SYNE1: variants seen among roughly 807,000 people sequenced by gnomAD.
The protein encoded by SYNE1 is spectrin repeat containing nuclear envelope protein 1, also known as nesprin-1.
A neutral mutation model predicts 1,111.0 loss-of-function variants in SYNE1; 616 were observed. The ratio of observed to expected loss-of-function variants is 0.55; its 90% CI spans 0.52 to 0.59. The LOEUF is 0.59. Among genes scored for constraint, SYNE1 ranks in the 20% least tolerant of loss-of-function variants. The pLI is 0.00. For synonymous variants in SYNE1, 3,855 were observed against 3,825.8 expected (o/e 1.01, Z -0.28); for missense variants, 10,006 against 10,417.0 (o/e 0.96, Z 1.72).
intron 36 of SYNE1, among the ~76,000 whole-genome samples, chr6:152,429,533 C>T (rs1026498272): frequency 6.6e-6 from 1 of 152,172 alleles, no homozygotes; most frequent in Non-Finnish European, 1.5e-5. Flanking sequence ...TTCGTGCACA[C>T]ATGAACATGC....
intron 14 of SYNE1, among the ~76,000 whole-genome samples, chr6:152,478,934 C>T (rs764267829): frequency 7.9e-5 from 12 of 152,112 alleles, no homozygotes; most frequent in Non-Finnish European, 1.6e-4. Context: ...ACGGACAAGG[C>T]AAGCGAGGAT....
intron 11 of SYNE1, among the ~76,000 whole-genome samples, chr6:152,489,395 C>T (rs73631828): frequency 0.031 from 4,734 of 150,658 alleles, 262 homozygotes; most frequent in African/African-American, 0.11. Flanking sequence ...TTTATGGAGG[C>T]AGGCTAAACT....
intron 40 of SYNE1, 76 bp downstream of exon 40, chr6:152,419,493 T>C: frequency 1.4e-6 from 2 of 1,408,282 alleles, no homozygotes; most frequent in Non-Finnish European, 1.9e-6. Context: ...TTTAAAATGT[T>C]GCATCTCTTT....
At chr6:152,586,673 C>G (rs1371770419) in intron 3 of SYNE1, among the ~76,000 whole-genome samples, 1 of 149,026 alleles carries the variant, frequency 6.7e-6, no homozygotes, top group Non-Finnish European at 1.5e-5. Context: ...CACACACACA[C>G]ACACACACAC....
intron 84 of SYNE1, among the ~76,000 whole-genome samples, chr6:152,320,858 A>C (rs1253450500): frequency 6.6e-6 from 1 of 152,128 alleles, no homozygotes; most frequent in Non-Finnish European, 1.5e-5. Flanking sequence ...CTTTCCTCCA[A>C]CATCTTCACC....
intron 3 of SYNE1, among the ~76,000 whole-genome samples, chr6:152,542,055 T>C (rs1322877418): frequency 6.6e-6 from 1 of 152,138 alleles, no homozygotes; most frequent in Admixed American, 6.5e-5. Context: ...GTATCAGCTG[T>C]TCACAAACTA....
intron 113 of SYNE1, among the ~76,000 whole-genome samples, chr6:152,231,777 C>CGTGT (rs1554248849): frequency 8.8e-6 from 1 of 113,712 alleles, no homozygotes; most frequent in Admixed American, 9.9e-5. Context: ...CACAGATATA[C>CGTGT]GTGTGTATGT....
intron 89 of SYNE1, 42 bp downstream of exon 89, chr6:152,310,354 A>T (rs1396989078): frequency 6.2e-7 from 1 of 1,612,900 alleles, no homozygotes; most frequent in African/African-American, 1.3e-5. Context: ...TTTTAAAAAT[A>T]TAGGTCCCTG....
intron 38 of SYNE1, 129 bp downstream of exon 38, chr6:152,427,564 T>C (rs572430258): frequency 2.6e-6 from 3 of 1,149,484 alleles, no homozygotes; most frequent in African/African-American, 3.1e-5. Flanking sequence ...TGATGTCAAA[T>C]GATGCTTCAG....
At chr6:152,465,953 G>C in intron 17 of SYNE1, 29 bp downstream of exon 17, 1 of 1,505,612 alleles carries the variant, frequency 6.6e-7, no homozygotes, top group Non-Finnish European at 9.2e-7. Context: ...TGCAGTCTAC[G>C]TTGCAACAAA....
At chr6:152,501,727 T>A (rs866861592) in intron 10 of SYNE1, among the ~76,000 whole-genome samples, 67 of 146,792 alleles carry the variant, frequency 4.6e-4, no homozygotes, top group African/African-American at 1.6e-3. Context: ...AGAGCAAGAC[T>A]CCATCTCACA....
chr6:152,421,675 AT>A (rs1563899502), intron 39 of SYNE1, among the ~76,000 whole-genome samples: 3 of 76,094 alleles, frequency 3.9e-5, no homozygotes, highest in Non-Finnish European at 5.0e-5. Flanking sequence ...TCCTTATTTT[AT>A]TTATTTATTT....
rs2096754189 is a variant in SYNE1, at chr6:152,352,284, C to T, written c.11323G>A (p.Val3775Ile). The change falls in exon 70 of 146, where the codon GTT (valine) becomes ATT (isoleucine). Residue 3775 changes from valine (V) to isoleucine (I), a missense_variant. Transcript: ENST00000367255. ...KSAREKGERA[V>I]KYLEEGEAER... ...GCCTCGCCTTCCTCCAAGTATTTAACAGCCCTCTCTCCTTTCTCCCGGGCT... is the reference window on the plus strand; with the variant it reads ...GCCTCGCCTTCCTCCAAGTATTTAATAGCCCTCTCTCCTTTCTCCCGGGCT... 6.2e-7 allele frequency: 1 copy of T among 1,614,082 alleles called. No homozygotes were observed. Among genetic ancestry groups the T allele is most frequent in the African/African-American group, 1.3e-5 (1 of 74,936 alleles).
intron 3 of SYNE1, among the ~76,000 whole-genome samples, chr6:152,627,455 C>T (rs1316623445): frequency 1.3e-5 from 2 of 149,586 alleles, no homozygotes; most frequent in African/African-American, 4.9e-5. Context: ...GAGTTTGAGG[C>T]CAGCCGGGTC....
chr6:152,461,929 A>T (rs1250482936), intron 20 of SYNE1, among the ~76,000 whole-genome samples, 189 bp from the exon 21 acceptor site: 1 of 152,170 alleles, frequency 6.6e-6, no homozygotes, highest in Non-Finnish European at 1.5e-5. Flanking sequence ...TATAGTTAAT[A>T]AAATTTTCCT....
At chr6:152,528,719 T>C (rs1171454625) in intron 4 of SYNE1, among the ~76,000 whole-genome samples, 1 of 152,222 alleles carries the variant, frequency 6.6e-6, no homozygotes, top group Admixed American at 6.5e-5. Flanking sequence ...GTTAGATATG[T>C]TAGTACATAC....
chr6:152,219,295 A>G, intron 119 of SYNE1, 110 bp from the exon 120 acceptor site: 10 of 1,071,210 alleles, frequency 9.3e-6, no homozygotes, highest in Non-Finnish European at 1.4e-5. Context: ...TACGGATCAT[A>G]TTATTAGGCT....
intron 127 of SYNE1, among the ~76,000 whole-genome samples, chr6:152,198,818 G>A (rs1458860482): frequency 6.6e-6 from 1 of 151,972 alleles, no homozygotes; most frequent in African/African-American, 2.4e-5. Flanking sequence ...CACCATCAAA[G>A]GTCACACTGA....
chr6:152,211,120 C>T (rs897742059), intron 124 of SYNE1, among the ~76,000 whole-genome samples: 7 of 152,118 alleles, frequency 4.6e-5, no homozygotes, highest in African/African-American at 1.7e-4. Context: ...GATCTCTATG[C>T]TCCTTTTACA....
Sources: gnomAD v4.1 joint callset for allele counts (sites outside exome capture counted in the v4.1 genomes callset) on GRCh38, gnomAD v4.1.1 for gene constraint, MANE v1.5 for transcripts, NCBI Gene and HGNC (gene_info 2026-07-23, HGNC 2026-07-21) for gene names.